The following CEP43 variants were observed in gnomAD, a reference collection of about 807,000 sequenced individuals.
CEP43 encodes FGFR1 oncogene partner.
Under a neutral mutation model 52.6 loss-of-function variants are expected in CEP43, and 36 were observed. The observed-to-expected ratio is 0.68, with a 90% CI of 0.52 to 0.90. The LOEUF (loss-of-function observed/expected upper bound fraction) is 0.90, where lower values mean the gene tolerates loss of function less well. CEP43 is among the 40% of genes least tolerant of loss of function. The pLI is 0.00. For missense variants in CEP43, 506 were observed against 472.8 expected (o/e 1.07, Z -0.65); for synonymous variants, 192 against 172.4 (o/e 1.11, Z -0.89).
chr6:167,026,876 T>C (rs1195819159), intron 10 of CEP43, among the ~76,000 whole-genome samples: 1 of 152,272 alleles, frequency 6.6e-6, no homozygotes, highest in African/African-American at 2.4e-5. Context: ...AACGGGCATC[T>C]ACAGATATTT....
rs1780738773 is a variant in CEP43, at chr6:167,043,303, C to G, written c.*3325C>G. On this transcript the variant is annotated 3_prime_UTR_variant, in exon 13 of 13. Coordinates refer to ENST00000366847, the MANE Select transcript of CEP43 (RefSeq NM_007045.4). ...ATTGGGTGGGGAGGATTCCCGCCATCAGTTCTCTGTCCATGGGTGCTAGTC... is the reference window on the plus strand; with the variant it reads ...ATTGGGTGGGGAGGATTCCCGCCATGAGTTCTCTGTCCATGGGTGCTAGTC... 1 of 151,668 alleles carries G rather than the reference C, an allele frequency of 6.6e-6. No homozygotes were observed. The highest frequency in any genetic ancestry group is 6.6e-5 in the Admixed American group (1 of 15,238). The allele number at this position is 151,668 out of a possible 1,614,324, so 9.4% of individuals were successfully genotyped here.
In CEP43 at chr6:167,026,601, G is replaced by C; in HGVS notation, c.974G>C (p.Gly325Ala). 6.3e-7 allele frequency: 1 copy of C among 1,583,398 alleles called. No homozygotes were observed. The highest frequency in any genetic ancestry group is 8.7e-7 in the Non-Finnish European group (1 of 1,152,074). ...KDLKLISDKI[G>A]SLGLGTGEDD... ...CTGAAATTGATCAGTGATAAAATTGGATCACTTGGATTAGGTAATTAGATT... is the reference window on the plus strand; with the variant it reads ...CTGAAATTGATCAGTGATAAAATTGCATCACTTGGATTAGGTAATTAGATT... Residue 325 changes from glycine to alanine, a missense_variant, in exon 10 of 13, where the codon GGA becomes GCA. By Grantham distance (60) the Gly-to-Ala change is moderately conservative. Transcript: ENST00000366847.
Position 167,000,043 on chromosome 6 carries a change from C to G in CEP43, c.103-17C>G. ...GTCTTGAAATTATAATTTCCTGTTT[C>G]TTAACTTTTTTTTAAGGCTGAACTC... is the stretch of plus-strand genomic sequence containing the variant. On this transcript the variant is annotated splice_polypyrimidine_tract_variant and intron_variant, in intron 1 of 12. Coordinates refer to ENST00000366847, the MANE Select transcript of CEP43 (RefSeq NM_007045.4). 3.7e-6 allele frequency: 6 copies of G among 1,600,374 alleles called. No homozygotes were observed. The highest frequency in any genetic ancestry group is 5.1e-6 in the Non-Finnish European group (6 of 1,169,924).
In CEP43 at chr6:167,046,928, A is replaced by G. The variant is rs968316156; in HGVS notation, c.*6950A>G. ...GCACTTTTGATAAACTCCTGGCAGG[A>G]AACTCAATCTCTGGGGGTCAGAGTC... On this transcript the variant is annotated 3_prime_UTR_variant, in exon 13 of 13. Transcript: ENST00000366847. 26 of 152,224 alleles carry G rather than the reference A, an allele frequency of 1.7e-4. No individual in the cohort carries two copies. Among genetic ancestry groups the G allele is most frequent in the African/African-American group, 5.8e-4 (24 of 41,442 alleles). The allele number at this position is 152,224 out of a possible 1,614,324, so 9.4% of individuals were successfully genotyped here. A position where few individuals can be genotyped will look rare whatever the true frequency, so the allele number is the denominator to read the frequency against.
chr6:167,018,316 T>C (rs73026241), intron 7 of CEP43, among the ~76,000 whole-genome samples: 3,083 of 152,344 alleles, frequency 0.02, 51 homozygotes, highest in East Asian at 0.091. Context: ...ATTTCATTTG[T>C]GGGATACAGT....
At chr6:167,007,352 T>A (rs1279059021) in intron 5 of CEP43, among the ~76,000 whole-genome samples, 1 of 152,176 alleles carries the variant, frequency 6.6e-6, no homozygotes, top group Admixed American at 6.5e-5. Flanking sequence ...TTTTCATAGC[T>A]GTGATTCTGT....
intron 12 of CEP43, among the ~76,000 whole-genome samples, chr6:167,039,119 A>G (rs1780639805): frequency 6.6e-6 from 1 of 151,686 alleles, no homozygotes; most frequent in South Asian, 2.1e-4. Context: ...GTTGCTGCAA[A>G]TTCCATTATT....
intron 12 of CEP43, among the ~76,000 whole-genome samples, chr6:167,039,572 A>G (rs1453312931): frequency 6.6e-6 from 1 of 152,216 alleles, no homozygotes; most frequent in Non-Finnish European, 1.5e-5. Context: ...ATGCGTGTGC[A>G]AGTATCTTTT....
intron 1 of CEP43, chr6:166,999,831 G>T (rs1473884021): frequency 3.6e-6 from 2 of 560,832 alleles, no homozygotes; most frequent in Admixed American, 3.5e-5. Flanking sequence ...CGGCCCCAGC[G>T]TCTCTTCCTC....
At chr6:167,031,236 C>G (rs1347014197) in intron 10 of CEP43, among the ~76,000 whole-genome samples, 1 of 152,038 alleles carries the variant, frequency 6.6e-6, no homozygotes, top group African/African-American at 2.4e-5. Context: ...GGTGGTTTTT[C>G]AAACCACCGC....
At position 167,042,853 on chromosome 6, in the gene CEP43, C is replaced by T. The variant is rs1281810061; in HGVS notation, c.*2875C>T. On this transcript the variant is annotated 3_prime_UTR_variant, in exon 13 of 13. Coordinates refer to ENST00000366847, the MANE Select transcript of CEP43 (RefSeq NM_007045.4). ...GTGTGTGTGTGTTTAACTATGAGCT[C>T]GTGAGAACAGGGATTTTCTTTTAAA... 2.8e-4 allele frequency: 5 copies of T among 17,810 alleles called. No individual in the cohort carries two copies. Among genetic ancestry groups the T allele is most frequent in the East Asian group, 8.8e-3 (2 of 226 alleles). The allele number at this position is 17,810 out of a possible 1,614,324, so 1.1% of individuals were successfully genotyped here.
chr6:167,020,589 C>T (rs78188436), intron 7 of CEP43, among the ~76,000 whole-genome samples: 1 of 152,212 alleles, frequency 6.6e-6, no homozygotes, highest in East Asian at 1.9e-4. Flanking sequence ...GAAACTCATG[C>T]CTAGGAAATT....
intron 7 of CEP43, among the ~76,000 whole-genome samples, chr6:167,020,376 A>G (rs1413766430): frequency 6.6e-6 from 1 of 152,266 alleles, no homozygotes; most frequent in Admixed American, 6.5e-5. Flanking sequence ...GTAAACGTAT[A>G]TCATAAGACA....
chr6:167,025,189 ATC>A (rs1244918478), intron 9 of CEP43: 1 of 197,630 alleles, frequency 5.1e-6, no homozygotes, highest in Non-Finnish European at 1.0e-5. Context: ...TTTTTAAATC[ATC>A]TCTCCTTTTT....
At position 167,044,583 on chromosome 6, in the gene CEP43, G is replaced by A; in HGVS notation, c.*4605G>A. Reference sequence around the variant, plus strand: ...AAACAGCAAGGCCTCTGAGGTAGGAGGGACAGCGTTTTTGAATGTGAAATT... The same window carrying A: ...AAACAGCAAGGCCTCTGAGGTAGGAAGGACAGCGTTTTTGAATGTGAAATT... On this transcript the variant is annotated 3_prime_UTR_variant, in exon 13 of 13. Coordinates refer to ENST00000366847, the MANE Select transcript of CEP43 (RefSeq NM_007045.4). The A allele has an allele frequency of 1.0e-6, 1 of 978,276 alleles. No individual in the cohort carries two copies. Among genetic ancestry groups the A allele is most frequent in the Non-Finnish European group, 1.2e-6 (1 of 823,398 alleles). The allele number at this position is 978,276 out of a possible 1,614,324, so 60.6% of individuals were successfully genotyped here.
chr6:167,023,815 C>T (rs921369433), intron 8 of CEP43, among the ~76,000 whole-genome samples: 1 of 152,038 alleles, frequency 6.6e-6, no homozygotes, highest in Non-Finnish European at 1.5e-5. Context: ...TCAGTGATGA[C>T]CTTGACACAG....
At position 167,046,540 on chromosome 6, in the gene CEP43, C is replaced by G. The variant is rs1319869876; in HGVS notation, c.*6562C>G. ...TCTTAGCCTAATTTCTAAATTAGAACTGCTTATGCAAATTAACACTCCGTA... is the reference window on the plus strand; with the variant it reads ...TCTTAGCCTAATTTCTAAATTAGAAGTGCTTATGCAAATTAACACTCCGTA... On this transcript the variant is annotated 3_prime_UTR_variant, in exon 13 of 13. Transcript: ENST00000366847. 1 of 152,242 alleles carries G rather than the reference C, an allele frequency of 6.6e-6. No homozygotes were observed. Among genetic ancestry groups the G allele is most frequent in the Non-Finnish European group, 1.5e-5 (1 of 68,048 alleles). 9.4% of individuals were successfully genotyped at this position (152,242 alleles called of 1,614,324 possible).
intron 1 of CEP43, 157 bp from the exon 2 acceptor site, chr6:166,999,903 A>G (rs1039717536): frequency 1.7e-6 from 1 of 597,576 alleles, no homozygotes; most frequent in Non-Finnish European, 2.9e-6. Context: ...GGGGTCGGAG[A>G]GCTTGTGTGA....
At chr6:167,034,372 A>T (rs1456518975) in intron 12 of CEP43, among the ~76,000 whole-genome samples, 3 of 152,208 alleles carry the variant, frequency 2.0e-5, no homozygotes, top group Non-Finnish European at 2.9e-5. Context: ...GCCAGTTGTG[A>T]CATCTGAACA....
Sources: allele counts gnomAD v4.1 joint callset (sites outside exome capture counted in the v4.1 genomes callset), GRCh38; gene constraint gnomAD v4.1.1; transcripts MANE v1.5; gene names NCBI Gene and HGNC (gene_info 2026-07-23, HGNC 2026-07-21).